The following TCERG1L variants were observed in gnomAD, a reference collection of about 807,000 sequenced individuals.
TCERG1L encodes the protein transcription elongation regulator 1-like protein.
A neutral mutation model predicts 56.3 loss-of-function variants in TCERG1L; 37 were observed. That is an observed-to-expected ratio of 0.66 (90% CI 0.51 to 0.87). TCERG1L has a LOEUF of 0.87. TCERG1L is among the 40% of genes least tolerant of loss of function. TCERG1L has a pLI of 0.00. For missense variants in TCERG1L, 799 were observed against 774.2 expected (o/e 1.03, Z -0.38); for synonymous variants, 324 against 326.3 (o/e 0.99, Z 0.08).
chr10:131,240,651 G>A (rs954828173), intron 4 of TCERG1L, among the ~76,000 whole-genome samples: 7 of 152,190 alleles, frequency 4.6e-5, no homozygotes, highest in Admixed American at 2.6e-4. Flanking sequence ...CGTGAGCCAC[G>A]CGTTTTCTAA....
At chr10:131,259,430 G>A (rs1304710425) in intron 4 of TCERG1L, among the ~76,000 whole-genome samples, 1 of 151,904 alleles carries the variant, frequency 6.6e-6, no homozygotes, top group East Asian at 1.9e-4. Context: ...TCAGTTCCTG[G>A]GAGTTGGCAC....
intron 4 of TCERG1L, among the ~76,000 whole-genome samples, chr10:131,216,267 G>A (rs554566209): frequency 6.1e-4 from 93 of 152,268 alleles, no homozygotes; most frequent in Admixed American, 1.3e-3. Context: ...TCAGGTGTAA[G>A]ACAATATGGA....
chr10:131,141,141 C>T (rs1203211057), intron 7 of TCERG1L, among the ~76,000 whole-genome samples: 1 of 152,112 alleles, frequency 6.6e-6, no homozygotes, highest in Non-Finnish European at 1.5e-5. Flanking sequence ...GGAGGAAGTT[C>T]TAGATTTGGT....
At chr10:131,191,864 CAAAAAAAAAAA>C (rs59816491) in intron 4 of TCERG1L, among the ~76,000 whole-genome samples, 10 of 28,704 alleles carry the variant, frequency 3.5e-4, no homozygotes, top group African/African-American at 7.8e-4. Context: ...GACTCCGTCT[CAAAAAAAAAAA>C]AAAAAAAAAA....
At chr10:131,286,894 C>T (rs1846549365) in intron 3 of TCERG1L, among the ~76,000 whole-genome samples, 1 of 152,204 alleles carries the variant, frequency 6.6e-6, no homozygotes, top group African/African-American at 2.4e-5. Flanking sequence ...GCTACAGAGC[C>T]CCTGACCTGG....
rs536727874 is a variant in TCERG1L, at chr10:131,146,756, G to T, written c.1035-96C>A. The T allele has an allele frequency of 2.6e-5, 36 of 1,386,000 alleles. No individual in the cohort carries two copies. In the African/African-American group the frequency reaches 4.6e-4, roughly 18 times the overall value. The allele number at this position is 1,386,000 out of a possible 1,614,324, so 85.9% of individuals were successfully genotyped here. Reference sequence around the variant, plus strand: ...CTCACTGAAAAAGCCCCTCAGGACCGAAATCCACACATTTGCAAAGCTTGT... The same window carrying T: ...CTCACTGAAAAAGCCCCTCAGGACCTAAATCCACACATTTGCAAAGCTTGT... On this transcript the variant is annotated intron_variant, in intron 6 of 11. Transcript: ENST00000368642.
chr10:131,203,649 G>T (rs1589746795), intron 4 of TCERG1L, among the ~76,000 whole-genome samples: 1 of 152,188 alleles, frequency 6.6e-6, no homozygotes, highest in African/African-American at 2.4e-5. Flanking sequence ...CTGGTTTGTG[G>T]CCCTGCCATA....
intron 11 of TCERG1L, among the ~76,000 whole-genome samples, chr10:131,094,178 T>C (rs2133375450): frequency 6.6e-6 from 1 of 152,318 alleles, no homozygotes; most frequent in East Asian, 1.9e-4. Flanking sequence ...AGCCTTGAAC[T>C]TGAAGCCAGG....
chr10:131,168,586 C>T (rs747307498), intron 4 of TCERG1L, among the ~76,000 whole-genome samples: 30 of 152,332 alleles, frequency 2.0e-4, no homozygotes, highest in Non-Finnish European at 3.5e-4. Flanking sequence ...TCGGATGAGG[C>T]AGAAACACAG....
At chr10:131,205,418 A>C (rs1281133624) in intron 4 of TCERG1L, among the ~76,000 whole-genome samples, 2 of 152,194 alleles carry the variant, frequency 1.3e-5, no homozygotes, top group Admixed American at 6.5e-5. Context: ...AAGGGAGAAA[A>C]AGTTAGACTC....
intron 3 of TCERG1L, among the ~76,000 whole-genome samples, chr10:131,280,190 G>A (rs1457332073): frequency 2.6e-5 from 4 of 151,878 alleles, no homozygotes; most frequent in African/African-American, 9.7e-5. Flanking sequence ...GGTCATGGTA[G>A]ATAAGAGAGG....
chr10:131,174,774 C>T (rs887901240), intron 4 of TCERG1L, among the ~76,000 whole-genome samples: 3 of 152,136 alleles, frequency 2.0e-5, no homozygotes, highest in Non-Finnish European at 4.4e-5. Flanking sequence ...ACCAGAGAAC[C>T]AGAGCGTGGC....
intron 10 of TCERG1L, among the ~76,000 whole-genome samples, chr10:131,100,403 C>T (rs1845293759): frequency 6.6e-6 from 1 of 152,202 alleles, no homozygotes; most frequent in Non-Finnish European, 1.5e-5. Flanking sequence ...ATTTCTCCAT[C>T]TCATCAAATG....
intron 4 of TCERG1L, among the ~76,000 whole-genome samples, chr10:131,256,992 GGAAA>G (rs745516129): frequency 0.031 from 1,810 of 58,602 alleles, 73 homozygotes; most frequent in Middle Eastern, 0.058. Flanking sequence ...AAGGAAGGAA[GGAAA>G]GAAAGAAAGA....
Position 131,311,355 on chromosome 10 carries a change from GGCAGCGGCA to G in TCERG1L, c.272_280del (p.Leu91_Leu93del). On this transcript the variant is annotated inframe_deletion, in exon 1 of 12. Coordinates refer to ENST00000368642, the MANE Select transcript of TCERG1L (RefSeq NM_174937.4). The surrounding 1 kb of genome is among the most constrained non-coding windows in gnomAD (Gnocchi z 4.0). Reference sequence around the variant, plus strand: ...GGCGGCGGCGGAGTCTGGCGCAGAGGGCAGCGGCAGCAGCGGGAGCACCGGCTCGCTCGG... The same window carrying G: ...GGCGGCGGCGGAGTCTGGCGCAGAGGGCAGCGGGAGCACCGGCTCGCTCGG... The G allele has an allele frequency of 8.3e-7, 1 of 1,201,558 alleles. No individual in the cohort carries two copies. Among genetic ancestry groups the G allele is most frequent in the Admixed American group, 4.5e-5 (1 of 22,446 alleles). 74.4% of individuals were successfully genotyped at this position (1,201,558 alleles called of 1,614,324 possible).
intron 4 of TCERG1L, among the ~76,000 whole-genome samples, chr10:131,168,481 G>C (rs780429661): frequency 2.0e-5 from 3 of 152,202 alleles, no homozygotes; most frequent in East Asian, 1.9e-4. Flanking sequence ...CCTCATTTGA[G>C]TTGGGTCAAT....
chr10:131,295,362 C>T (rs772294222), intron 3 of TCERG1L, among the ~76,000 whole-genome samples: 5 of 152,210 alleles, frequency 3.3e-5, no homozygotes, highest in South Asian at 4.1e-4. Context: ...TAACAACCTG[C>T]TCAACTGACT....
chr10:131,177,749 G>T (rs972432274), intron 4 of TCERG1L, among the ~76,000 whole-genome samples: 1 of 152,086 alleles, frequency 6.6e-6, no homozygotes, highest in African/African-American at 2.4e-5. Context: ...CTGGGCAGAT[G>T]TCAGCTAAGG....
intron 3 of TCERG1L, among the ~76,000 whole-genome samples, chr10:131,289,542 TG>T (rs1846587378): frequency 8.3e-6 from 1 of 120,158 alleles, no homozygotes; most frequent in South Asian, 3.3e-4. Context: ...TCGGTGTGTA[TG>T]TGTGCACCGC....
Sources: gnomAD v4.1 joint callset for allele counts (sites outside exome capture counted in the v4.1 genomes callset) on GRCh38, gnomAD v4.1.1 for gene constraint, Gnocchi (gnomAD v3.1) non-coding constraint, MANE v1.5 for transcripts, NCBI Gene and HGNC (gene_info 2026-07-23, HGNC 2026-07-21) for gene names.